The following DKK3 variants were observed in gnomAD, a reference collection of about 807,000 sequenced individuals.
The protein encoded by DKK3 is dickkopf-related protein 3.
A neutral mutation model predicts 33.2 loss-of-function variants in DKK3; 22 were observed. That is an observed-to-expected ratio of 0.66 (90% confidence interval 0.47 to 0.95). DKK3 has a LOEUF of 0.95. Among genes scored for constraint, DKK3 ranks in the 40% least tolerant of loss-of-function variants. DKK3 has a pLI of 0.00. For missense variants in DKK3, 398 were observed against 458.4 expected (o/e 0.87, Z 1.20); for synonymous variants, 194 against 188.8 (o/e 1.03, Z -0.23).
chr11:11,976,710 A>G (rs990278925), intron 3 of DKK3, among the ~76,000 whole-genome samples: 9 of 152,186 alleles, frequency 5.9e-5, no homozygotes, highest in African/African-American at 1.9e-4. Flanking sequence ...CAGGGTCCAC[A>G]AGGCTGGCCC....
rs1190701431 is a variant in DKK3 at position 11,963,191 on chromosome 11, A to G, written c.*1273T>C. The stretch of plus-strand genomic sequence containing the variant: ...AACTCAAAGAAAGCATGCTTATACA[A>G]TCATGTGCAACTTTAAACTTTAAGA... On this transcript the variant is annotated 3_prime_UTR_variant, in exon 7 of 7. Coordinates refer to ENST00000683431, the MANE Select transcript of DKK3 (RefSeq NM_001018057.2). 1 of 152,674 alleles carries G rather than the reference A, an allele frequency of 6.5e-6. No homozygotes were observed. The highest frequency in any genetic ancestry group is 1.5e-5 in the Non-Finnish European group (1 of 68,040). The allele number at this position is 152,674 out of a possible 1,614,324, so 9.5% of individuals were successfully genotyped here. A position where few individuals can be genotyped will look rare whatever the true frequency, so the allele number is the denominator to read the frequency against.
chr11:11,990,516 T>A (rs559192628), intron 3 of DKK3, among the ~76,000 whole-genome samples: 41 of 152,336 alleles, frequency 2.7e-4, no homozygotes, highest in Non-Finnish European at 4.9e-4. Flanking sequence ...TCTTCCTGGC[T>A]CTTTCCTCTA....
At chr11:11,966,233 G>C (rs1023894196) in intron 5 of DKK3, among the ~76,000 whole-genome samples, 2 of 152,210 alleles carry the variant, frequency 1.3e-5, no homozygotes, top group African/African-American at 4.8e-5. Context: ...GAAATTAAGA[G>C]GGAGGCAAAG....
At chr11:11,993,181 AT>A (rs1466844387) in intron 3 of DKK3, among the ~76,000 whole-genome samples, 1 of 152,188 alleles carries the variant, frequency 6.6e-6, no homozygotes, top group African/African-American at 2.4e-5. Context: ...AAAATTGTAA[AT>A]TCACAAACTC....
intron 3 of DKK3, among the ~76,000 whole-genome samples, chr11:11,988,788 C>A (rs771612297): frequency 1.3e-5 from 2 of 152,202 alleles, no homozygotes; most frequent in Non-Finnish European, 2.9e-5. Flanking sequence ...CACGATGCAG[C>A]CTGAGCCTGC....
At chr11:11,983,398 T>C (rs1295577177) in intron 3 of DKK3, among the ~76,000 whole-genome samples, 1 of 152,238 alleles carries the variant, frequency 6.6e-6, no homozygotes, top group African/African-American at 2.4e-5. Flanking sequence ...CATCATATTT[T>C]GTATTTTCTC....
chr11:11,976,815 C>T (rs919960772), intron 3 of DKK3, among the ~76,000 whole-genome samples: 2 of 148,530 alleles, frequency 1.3e-5, no homozygotes, highest in African/African-American at 4.8e-5. Flanking sequence ...GTCAGGTTTT[C>T]CCCATTCCTG....
chr11:12,009,471 C>A (rs1428284482), upstream of DKK3: 2 of 913,914 alleles, frequency 2.2e-6, no homozygotes, highest in Non-Finnish European at 2.6e-6. Flanking sequence ...TCACGCCCCA[C>A]GCCCCACGCC....
intron 6 of DKK3, among the ~76,000 whole-genome samples, chr11:11,965,316 C>A (rs1371050587): frequency 1.3e-5 from 2 of 152,166 alleles, no homozygotes; most frequent in Non-Finnish European, 2.9e-5. Flanking sequence ...GGAGAGAAGA[C>A]TGAGTAGAGG....
chr11:12,009,675 C>A (rs1364322094), upstream of DKK3: 1 of 985,606 alleles, frequency 1.0e-6, no homozygotes, highest in Non-Finnish European at 1.2e-6. Flanking sequence ...CTGTGAAATC[C>A]TCAGGAAAAA....
At chr11:11,972,273 G>T (rs1403977400) in intron 3 of DKK3, among the ~76,000 whole-genome samples, 1 of 152,208 alleles carries the variant, frequency 6.6e-6, no homozygotes, top group East Asian at 1.9e-4. Context: ...TCCAATGCCT[G>T]ATCCCGCTAT....
At chr11:12,006,444 G>A (rs1224420745) in intron 1 of DKK3, among the ~76,000 whole-genome samples, 1 of 152,210 alleles carries the variant, frequency 6.6e-6, no homozygotes, top group African/African-American at 2.4e-5. Context: ...AGCAGGGACT[G>A]GATGAGGGAA....
At chr11:11,998,908 C>T (rs1848362048) in intron 2 of DKK3, 129 bp from the exon 3 acceptor site, 1 of 759,606 alleles carries the variant, frequency 1.3e-6, no homozygotes, top group Non-Finnish European at 2.2e-6. Flanking sequence ...AATGCCCACC[C>T]CGCTTTCTTT....
In DKK3 at chr11:11,987,150, G is replaced by GTTCA. The variant is rs541350285; in HGVS notation, c.435+11542_435+11545dup. Among the ~76,000 whole-genome samples the GTTCA allele has an allele frequency of 1.3e-4, 20 of 152,288 alleles. No individual in the cohort carries two copies. In the South Asian group the frequency reaches 3.5e-3, roughly 27 times the overall value. Reference sequence around the variant, plus strand: ...CAGGTGAAATCCCTGCCTCCCCAGAGTTCAGTCTTCAGACAATCCTTTATG... The same window carrying GTTCA: ...CAGGTGAAATCCCTGCCTCCCCAGAGTTCATTCAGTCTTCAGACAATCCTTTATG... On this transcript the variant is annotated intron_variant, in intron 3 of 6. Coordinates refer to ENST00000683431, the MANE Select transcript of DKK3 (RefSeq NM_001018057.2).
chr11:11,992,394 C>A (rs1380846542), intron 3 of DKK3, among the ~76,000 whole-genome samples: 1 of 152,200 alleles, frequency 6.6e-6, no homozygotes, highest in African/African-American at 2.4e-5. Context: ...CTGTTAACCA[C>A]CCCCTCTGAA....
At chr11:11,967,162 A>AG in intron 4 of DKK3, 64 bp from the exon 5 acceptor site, 1 of 1,576,440 alleles carries the variant, frequency 6.3e-7, no homozygotes, top group Non-Finnish European at 8.6e-7. Context: ...CTGAGAGCCC[A>AG]GCCTGAAGAT....
intron 3 of DKK3, among the ~76,000 whole-genome samples, chr11:11,972,206 A>G (rs915379135): frequency 6.6e-5 from 10 of 152,232 alleles, no homozygotes; most frequent in African/African-American, 2.4e-4. Context: ...TACAGAGTTC[A>G]TGCTTGGTGA....
At chr11:11,984,340 A>G (rs1329050197) in intron 3 of DKK3, among the ~76,000 whole-genome samples, 1 of 152,352 alleles carries the variant, frequency 6.6e-6, no homozygotes, top group African/African-American at 2.4e-5. Context: ...AACTCTCTTC[A>G]TCTCTAAGTG....
At chr11:12,006,246 A>G (rs1327813254) in intron 1 of DKK3, among the ~76,000 whole-genome samples, 1 of 152,126 alleles carries the variant, frequency 6.6e-6, no homozygotes. Flanking sequence ...ATGTCATGAT[A>G]GTTTCACAAT....
Sources: allele counts gnomAD v4.1 joint callset (sites outside exome capture counted in the v4.1 genomes callset), GRCh38; gene constraint gnomAD v4.1.1; transcripts MANE v1.5; gene names NCBI Gene and HGNC (gene_info 2026-07-23, HGNC 2026-07-21).